Variants in RBFOX3 observed in about 807,000 individuals in gnomAD.
The protein encoded by RBFOX3 is RNA binding protein fox-1 homolog 3.
RBFOX3 carries 17 observed loss-of-function variants against 48.7 expected under a neutral mutation model. The ratio of observed to expected loss-of-function variants is 0.35; its 90% confidence interval spans 0.24 to 0.52. The LOEUF (loss-of-function observed/expected upper bound fraction) is 0.52, where lower values mean the gene tolerates loss of function less well. RBFOX3 is among the 20% of genes least tolerant of loss of function. The pLI, the probability that RBFOX3 is intolerant of heterozygous loss-of-function variation, is 0.94. For synonymous variants in RBFOX3, 212 were observed against 209.5 expected (o/e 1.01, Z -0.10); for missense variants, 382 against 497.5 (o/e 0.77, Z 2.21).
chr17:79,333,294 AAG>A (rs2080695553), intron 2 of RBFOX3, among the ~76,000 whole-genome samples: 1 of 152,154 alleles, frequency 6.6e-6, no homozygotes, highest in Non-Finnish European at 1.5e-5. Flanking sequence ...TTTTCATTAA[AAG>A]AAAAAAGTTG....
intron 4 of RBFOX3, among the ~76,000 whole-genome samples, chr17:79,230,544 C>T (rs1411739055): frequency 6.6e-6 from 1 of 152,146 alleles, no homozygotes; most frequent in African/African-American, 2.4e-5. Flanking sequence ...CAGGGGTGAG[C>T]CACGGCACCC....
intron 6 of RBFOX3, among the ~76,000 whole-genome samples, chr17:79,106,128 T>TGGGGGCCCGGGGGAC (rs745389779): frequency 4.9e-4 from 74 of 152,034 alleles, no homozygotes; most frequent in Non-Finnish European, 7.2e-4. Context: ...GTTCCCCACC[T>TGGGGGCCCGGGGGAC]GGGGGCCCGG....
At chr17:79,374,138 C>G (rs554810723) in intron 2 of RBFOX3, among the ~76,000 whole-genome samples, 3 of 152,354 alleles carry the variant, frequency 2.0e-5, no homozygotes, top group Admixed American at 6.5e-5. Context: ...GCGGCGATTA[C>G]AGGCGTGAGC....
chr17:79,602,391 A>G (rs1352897284), intron 1 of RBFOX3, among the ~76,000 whole-genome samples: 1 of 152,250 alleles, frequency 6.6e-6, no homozygotes, highest in Non-Finnish European at 1.5e-5. Flanking sequence ...TTCTGCTAAG[A>G]TTCCAAAATA....
chr17:79,218,371 G>A (rs2059319556), intron 4 of RBFOX3, among the ~76,000 whole-genome samples: 1 of 152,262 alleles, frequency 6.6e-6, no homozygotes, highest in South Asian at 2.1e-4. Flanking sequence ...CAGCTTGGAA[G>A]TGGAGCCGGG....
At chr17:79,439,101 G>C (rs1410180981) in intron 2 of RBFOX3, among the ~76,000 whole-genome samples, 1 of 152,228 alleles carries the variant, frequency 6.6e-6, no homozygotes, top group Admixed American at 6.5e-5. Context: ...CTGTCCCTCT[G>C]GCGCTGAGCA....
chr17:79,271,924 C>T (rs4239027), intron 3 of RBFOX3, among the ~76,000 whole-genome samples: 96,333 of 152,134 alleles, frequency 0.63, 30,852 homozygotes, highest in East Asian at 0.8. Flanking sequence ...ACAGAATCCA[C>T]ACCAGCAGCC....
At chr17:79,189,225 CAA>C (rs1376911282) in intron 4 of RBFOX3, among the ~76,000 whole-genome samples, 1 of 152,222 alleles carries the variant, frequency 6.6e-6, no homozygotes, top group East Asian at 1.9e-4. Context: ...CTGATCATCA[CAA>C]GTTAGGTAGG....
Position 79,392,565 on chromosome 17 carries a change from T to C in RBFOX3, c.-174-84741A>G, listed in dbSNP as rs2148225348. Among the ~76,000 whole-genome samples, 1 of 152,258 alleles carries C rather than the reference T, an allele frequency of 6.6e-6. No homozygotes were observed. The highest frequency in any genetic ancestry group is 1.9e-4 in the East Asian group (1 of 5,182). Reference sequence around the variant, plus strand: ...TCCCACCCACTTAAGTTAGGCACCATCCCGTGACTTGCTTTGCCCAACAAA... The same window carrying C: ...TCCCACCCACTTAAGTTAGGCACCACCCCGTGACTTGCTTTGCCCAACAAA... On this transcript the variant is annotated intron_variant, in intron 2 of 14. Coordinates refer to ENST00000693108, the MANE Select transcript of RBFOX3 (RefSeq NM_001350451.2). This position sits in a 1 kb window ranked among gnomAD's most constrained non-coding sequence, Gnocchi z 5.0.
rs370945616 is a variant in RBFOX3 at position 79,198,016 on chromosome 17, C to T, written c.-34+37750G>A. On this transcript the variant is annotated intron_variant, in intron 4 of 14. Transcript: ENST00000693108. The surrounding 1 kb of genome is among the most constrained non-coding windows in gnomAD (Gnocchi z 8.2). The stretch of plus-strand genomic sequence containing the variant: ...CGTGCTTCTGATTTCCTAAGCATGC[C>T]GAGTGAATCCATCCCGAGTGCCTCT... 1.2e-4 allele frequency among the ~76,000 whole-genome samples: 18 copies of T among 152,258 alleles called. No individual in the cohort carries two copies. Among genetic ancestry groups the T allele is most frequent in the Non-Finnish European group, 2.1e-4 (14 of 68,026 alleles).
rs1019285885 is a variant in RBFOX3 at position 79,362,624 on chromosome 17, C to A, written c.-174-54800G>T. Among the ~76,000 whole-genome samples, 2 of 152,192 alleles carry A rather than the reference C, an allele frequency of 1.3e-5. No homozygotes were observed. Among genetic ancestry groups the A allele is most frequent in the Non-Finnish European group, 2.9e-5 (2 of 68,026 alleles). On this transcript the variant is annotated intron_variant, in intron 2 of 14. Transcript: ENST00000693108. This position sits in a 1 kb window ranked among gnomAD's most constrained non-coding sequence, Gnocchi z 4.2. ...CTCTTTGCAAAGCTTGAATACCTGG[C>A]GCCCCAGGAAAATGAGAGCCGGCCT...
At chr17:79,369,555 C>T (rs990697016) in intron 2 of RBFOX3, among the ~76,000 whole-genome samples, 3 of 152,184 alleles carry the variant, frequency 2.0e-5, no homozygotes, top group Non-Finnish European at 4.4e-5. Context: ...CCACCCCAAA[C>T]TCTGGGTGTG....
At chr17:79,403,782 C>CTTTTT (rs781618072) in intron 2 of RBFOX3, among the ~76,000 whole-genome samples, 12 of 124,342 alleles carry the variant, frequency 9.7e-5, no homozygotes, top group Admixed American at 1.7e-4. Context: ...TGTTCTTTTT[C>CTTTTT]TTTTTTTTTT....
intron 1 of RBFOX3, among the ~76,000 whole-genome samples, chr17:79,492,078 A>C (rs2080760091): frequency 1.3e-5 from 2 of 152,182 alleles, no homozygotes; most frequent in African/African-American, 2.4e-5. Flanking sequence ...TCTGTCTCAA[A>C]AACAAAACAA....
Position 79,090,023 on chromosome 17 carries a change from G to T in RBFOX3, c.*860C>A. ...TCACAGGGGAGCGGCAGGGAGGGCT[G>T]GGTCCCAGCAGGCAGCACGAGGTCA... On this transcript the variant is annotated 3_prime_UTR_variant, in exon 15 of 15. Transcript: ENST00000693108. 6.6e-6 allele frequency: 1 copy of T among 152,540 alleles called. No individual in the cohort carries two copies. Among genetic ancestry groups the T allele is most frequent in the Non-Finnish European group, 1.5e-5 (1 of 68,166 alleles). 9.4% of individuals were successfully genotyped at this position (152,540 alleles called of 1,614,324 possible).
Position 79,243,937 on chromosome 17 carries a change from G to A in RBFOX3, c.-73-8132C>T, listed in dbSNP as rs1600190951. On this transcript the variant is annotated intron_variant, in intron 3 of 14. Transcript: ENST00000693108. This position sits in a 1 kb window ranked among gnomAD's most constrained non-coding sequence, Gnocchi z 7.9. ...AGGGGGCAGGTGGGAGGCCCAGTGT[G>A]GCATCTCTGCCCTGGAGCATCTCCA... 6.6e-6 allele frequency among the ~76,000 whole-genome samples: 1 copy of A among 152,262 alleles called. No individual in the cohort carries two copies. Among genetic ancestry groups the A allele is most frequent in the South Asian group, 2.1e-4 (1 of 4,822 alleles).
chr17:79,567,791 G>A (rs2092524579), intron 1 of RBFOX3, among the ~76,000 whole-genome samples: 1 of 152,152 alleles, frequency 6.6e-6, no homozygotes, highest in African/African-American at 2.4e-5. Context: ...AGTCCTTGCT[G>A]GGACTCCATC....
chr17:79,167,648 C>T (rs530630638), intron 4 of RBFOX3, among the ~76,000 whole-genome samples: 72 of 152,200 alleles, frequency 4.7e-4, no homozygotes, highest in Non-Finnish European at 8.4e-4. Flanking sequence ...GTCTGCCTGC[C>T]CCCGCAGAGG....
intron 4 of RBFOX3, among the ~76,000 whole-genome samples, chr17:79,192,547 C>T (rs1316248128): frequency 6.6e-6 from 1 of 152,234 alleles, no homozygotes; most frequent in Non-Finnish European, 1.5e-5. Context: ...CCTGATAACC[C>T]TCCCAGCTTG....
Sources: allele counts gnomAD v4.1 joint callset (sites outside exome capture counted in the v4.1 genomes callset), GRCh38; gene constraint gnomAD v4.1.1; non-coding constraint Gnocchi (gnomAD v3.1); transcripts MANE v1.5; gene names NCBI Gene and HGNC (gene_info 2026-07-23, HGNC 2026-07-21).